MEI1: variants seen among roughly 807,000 people sequenced by gnomAD.
MEI1 encodes the protein meiosis inhibitor protein 1.
In MEI1, 103 loss-of-function variants were observed where a neutral mutation model predicts 146.2. The observed-to-expected ratio is 0.70, with a 90% confidence interval of 0.60 to 0.83. The LOEUF (loss-of-function observed/expected upper bound fraction) is 0.83. MEI1 is among the 40% of genes least tolerant of loss of function. The pLI is 0.00. For missense variants in MEI1, 1,529 were observed against 1,533.0 expected (o/e 1.00, Z 0.04); for synonymous variants, 652 against 628.2 (o/e 1.04, Z -0.57).
chr22:41,743,340 T>C (rs868760916), intron 12 of MEI1, 146 bp downstream of exon 12: 2 of 568,256 alleles, frequency 3.5e-6, no homozygotes, highest in Admixed American at 2.7e-5. Flanking sequence ...TTTTCCCTAA[T>C]AGCAGAACTA....
At chr22:41,744,174 A>AT (rs939425388) in intron 12 of MEI1, among the ~76,000 whole-genome samples, 62 of 147,842 alleles carry the variant, frequency 4.2e-4, no homozygotes, top group African/African-American at 1.0e-3. Context: ...CCCTGCTACC[A>AT]TTTTTTTTTA....
rs552042068 is a variant in MEI1 at position 41,757,084 on chromosome 22, A to G, written c.1952-1281A>G. On this transcript the variant is annotated intron_variant, in intron 17 of 30. Transcript: ENST00000401548. Reference sequence around the variant, plus strand: ...TGCCTCTTTTCTCCTCACCCTCCACAGTTTGTTTCTTTCTTTCTTTCTTTT... The same window carrying G: ...TGCCTCTTTTCTCCTCACCCTCCACGGTTTGTTTCTTTCTTTCTTTCTTTT... Among the ~76,000 whole-genome samples the G allele has an allele frequency of 2.6e-5, 4 of 151,530 alleles. No homozygotes were observed. In the South Asian group the frequency reaches 6.3e-4, roughly 24 times the overall value.
intron 11 of MEI1, among the ~76,000 whole-genome samples, chr22:41,736,707 T>TA (rs2072404399): frequency 6.6e-6 from 1 of 152,156 alleles, no homozygotes; most frequent in Non-Finnish European, 1.5e-5. Context: ...CTCTCTCTCA[T>TA]AAGGCTACTT....
chr22:41,738,837 A>G (rs917196995), intron 11 of MEI1, among the ~76,000 whole-genome samples: 20 of 151,220 alleles, frequency 1.3e-4, no homozygotes, highest in Non-Finnish European at 2.2e-4. Context: ...GTGTGGTGGC[A>G]TGCACCTATG....
Position 41,771,492 on chromosome 22 carries a change from G to A in MEI1, c.2544+531G>A, listed in dbSNP as rs186595772. Among the ~76,000 whole-genome samples, 20 of 152,168 alleles carry A rather than the reference G, an allele frequency of 1.3e-4. No homozygotes were observed. The East Asian group carries it at 1.5e-3, about 12-fold the overall frequency. Reference sequence around the variant, plus strand: ...ACACTGTTGCCCAGGGTGCAGTGCCGTGGCATGATCTGGGCTCACTGCAAC... The same window carrying A: ...ACACTGTTGCCCAGGGTGCAGTGCCATGGCATGATCTGGGCTCACTGCAAC... On this transcript the variant is annotated intron_variant, in intron 20 of 30. Transcript: ENST00000401548.
rs11913960 is a variant in MEI1 at position 41,793,758 on chromosome 22, T to C, written c.3346-71T>C. Reference sequence around the variant, plus strand: ...TCCAAGTAACTCTGAAAACCAAATGTTTTTTCTTGGTTGGCACCAAAAGCC... The same window carrying C: ...TCCAAGTAACTCTGAAAACCAAATGCTTTTTCTTGGTTGGCACCAAAAGCC... On this transcript the variant is annotated intron_variant, in intron 26 of 30. Coordinates refer to ENST00000401548, the MANE Select transcript of MEI1 (RefSeq NM_152513.4). 2.2e-3 allele frequency: 2,971 copies of C among 1,345,396 alleles called. 35 individuals carry two copies. The African/African-American group carries it at 0.037, about 17-fold the overall frequency. The allele number at this position is 1,345,396 out of a possible 1,614,324, so 83.3% of individuals were successfully genotyped here. A position where few individuals can be genotyped will look rare whatever the true frequency, so the allele number is the denominator to read the frequency against.
intron 19 of MEI1, among the ~76,000 whole-genome samples, chr22:41,766,564 C>T (rs555912954): frequency 6.6e-6 from 1 of 150,930 alleles, no homozygotes; most frequent in East Asian, 2.0e-4. Context: ...TATTATTTTT[C>T]GAGACAGGGT....
chr22:41,758,388 C>G lies in MEI1; in HGVS notation c.1975C>G (p.Leu659Val). ...KEELSAVSEL[L>V]QHGLPQISSR... ...AGAACTCTCTGCAGTGTCTGAGCTC[C>G]TGCAGCATGGGCTGCCCCAGATAAG... is the stretch of plus-strand genomic sequence containing the variant. The change falls in exon 18 of 31, where the codon CTG (leucine) becomes GTG (valine). Residue 659 changes from leucine (L) to valine (V), a missense_variant. Coordinates refer to ENST00000401548, the MANE Select transcript of MEI1 (RefSeq NM_152513.4). The G allele has an allele frequency of 6.2e-7, 1 of 1,613,708 alleles. No homozygotes were observed. Among genetic ancestry groups the G allele is most frequent in the Non-Finnish European group, 8.5e-7 (1 of 1,179,740 alleles).
chr22:41,724,345 C>T (rs1455654168), intron 7 of MEI1, among the ~76,000 whole-genome samples: 3 of 152,066 alleles, frequency 2.0e-5, no homozygotes, highest in Non-Finnish European at 4.4e-5. Flanking sequence ...AAAAGTTGGG[C>T]GTGGTGGCTC....
chr22:41,707,324 G>A (rs560547693), intron 3 of MEI1, among the ~76,000 whole-genome samples: 1 of 152,314 alleles, frequency 6.6e-6, no homozygotes, highest in South Asian at 2.1e-4. Context: ...AAAGGAAAGA[G>A]GCTGGAATTG....
chr22:41,710,163 T>G (rs985133223), intron 3 of MEI1, among the ~76,000 whole-genome samples: 1 of 152,004 alleles, frequency 6.6e-6, no homozygotes, highest in Middle Eastern at 3.4e-3. Flanking sequence ...ACACCAGGGG[T>G]GTGTGTGCAC....
intron 26 of MEI1, among the ~76,000 whole-genome samples, chr22:41,787,064 C>T (rs114502887): frequency 1.8e-3 from 269 of 152,316 alleles, no homozygotes; most frequent in African/African-American, 6.0e-3. Context: ...TATTATAGCA[C>T]TTAGCTCTCT....
Position 41,699,656 on chromosome 22 carries a change from A to AC in MEI1, c.124dup (p.Arg42ProfsTer75), listed in dbSNP as rs2068538395. ...CGACCCGCGCTGGCTGCTGCCCGTG[A>AC]CCCCCCGCCTGTGCCTGGCCTGCGC... On this transcript the variant is annotated frameshift_variant, in exon 1 of 31. Coordinates refer to ENST00000401548, the MANE Select transcript of MEI1 (RefSeq NM_152513.4). LOFTEE classifies it high-confidence loss of function. 22 of 1,568,646 alleles carry AC rather than the reference A, an allele frequency of 1.4e-5. No homozygotes were observed. Among genetic ancestry groups the AC allele is most frequent in the Non-Finnish European group, 1.8e-5 (21 of 1,157,832 alleles).
intron 16 of MEI1, 48 bp downstream of exon 16, chr22:41,752,699 C>G (rs1286950149): frequency 4.0e-6 from 6 of 1,497,732 alleles, no homozygotes; most frequent in Non-Finnish European, 3.7e-6. Context: ...GCCAATGTCC[C>G]TCTTGATGGG....
chr22:41,764,083 C>T (rs1353161487), intron 19 of MEI1, among the ~76,000 whole-genome samples: 1 of 151,930 alleles, frequency 6.6e-6, no homozygotes, highest in Non-Finnish European at 1.5e-5. Flanking sequence ...GCCTCAGCCT[C>T]CTGAATAGCT....
chr22:41,713,947 G>T, intron 3 of MEI1, 55 bp from the exon 4 acceptor site: 13 of 1,445,486 alleles, frequency 9.0e-6, no homozygotes, highest in Non-Finnish European at 1.2e-5. Context: ...GCCATGGAAG[G>T]TGGACTCTGG....
chr22:41,735,248 T>C (rs1366553828), intron 11 of MEI1, among the ~76,000 whole-genome samples: 3 of 139,686 alleles, frequency 2.1e-5, no homozygotes, highest in Non-Finnish European at 4.5e-5. Flanking sequence ...TTTTTTTTTT[T>C]GAGATGGAGT....
In MEI1 at chr22:41,795,560, G is replaced by C; in HGVS notation, c.3666+18G>C. 1 of 1,613,566 alleles carries C rather than the reference G, an allele frequency of 6.2e-7. No homozygotes were observed. Among genetic ancestry groups the C allele is most frequent in the Non-Finnish European group, 8.5e-7 (1 of 1,179,762 alleles). ...TCCAGCAGGTGGGTGGGAAGGGGAGGCCATGCAGCCACTGTAAAGCTAGAC... is the reference window on the plus strand; with the variant it reads ...TCCAGCAGGTGGGTGGGAAGGGGAGCCCATGCAGCCACTGTAAAGCTAGAC... On this transcript the variant is annotated intron_variant, in intron 29 of 30. Coordinates refer to ENST00000401548, the MANE Select transcript of MEI1 (RefSeq NM_152513.4). This position sits in a 1 kb window ranked among gnomAD's most constrained non-coding sequence, Gnocchi z 4.2.
At position 41,773,597 on chromosome 22, in the gene MEI1, C is replaced by G. The variant is rs959041339; in HGVS notation, c.2545-2505C>G. Among the ~76,000 whole-genome samples, 13 of 149,404 alleles carry G rather than the reference C, an allele frequency of 8.7e-5. No homozygotes were observed. The South Asian group carries it at 2.5e-3, about 29-fold the overall frequency. ...AAAAAAAAAAGAACAGCAAGGAGGC[C>G]GGGCGCGGTGGCTCACGCCTGTAAT... On this transcript the variant is annotated intron_variant, in intron 20 of 30. Coordinates refer to ENST00000401548, the MANE Select transcript of MEI1 (RefSeq NM_152513.4).
Sources: allele counts gnomAD v4.1 joint callset (sites outside exome capture counted in the v4.1 genomes callset), GRCh38; gene constraint gnomAD v4.1.1; non-coding constraint Gnocchi (gnomAD v3.1); transcripts MANE v1.5; gene names NCBI Gene and HGNC (gene_info 2026-07-23, HGNC 2026-07-21).